The following PPP4R3B variants were observed in gnomAD, a reference collection of about 807,000 sequenced individuals.
PPP4R3B encodes serine/threonine-protein phosphatase 4 regulatory subunit 3B.
Under a neutral mutation model 95.4 loss-of-function variants are expected in PPP4R3B, and 52 were observed. That is an observed-to-expected ratio of 0.54 (90% CI 0.44 to 0.69). PPP4R3B has a LOEUF of 0.69. Ranked by LOEUF, PPP4R3B falls within the 30% of genes least tolerant of loss-of-function variation. The pLI, the probability that PPP4R3B is intolerant of heterozygous loss-of-function variation, is 0.00. For synonymous variants in PPP4R3B, 407 were observed against 343.9 expected (o/e 1.18, Z -2.03); for missense variants, 1,003 against 1,005.9 (o/e 1.00, Z 0.04).
chr2:55,588,894 A>G lies in PPP4R3B; in HGVS notation c.984T>C (p.Asp328=). 6.2e-7 allele frequency: 1 copy of G among 1,608,802 alleles called. No homozygotes were observed. Among genetic ancestry groups the G allele is most frequent in the Non-Finnish European group, 8.5e-7 (1 of 1,176,772 alleles). Residue 328 remains aspartate, a synonymous_variant, in exon 5 of 17, where the codon GAT becomes GAC. Transcript: ENST00000616407. ...AQLTDEATDD[D]KRRELVNFFK... The stretch of plus-strand genomic sequence containing the variant: ...CATAACTTACCAATTCACGCCGTTT[A>G]TCATCATCTGTAGCCTCATCTGTTA...
At chr2:55,616,049 T>A (rs1309587268) in intron 1 of PPP4R3B, among the ~76,000 whole-genome samples, 1 of 151,618 alleles carries the variant, frequency 6.6e-6, no homozygotes, top group African/African-American at 2.4e-5. Context: ...AAGGAAAAAT[T>A]AATCTAAAAC....
chr2:55,610,371 T>A lies in PPP4R3B; in HGVS notation c.198+5080A>T, dbSNP rs75661669. Among the ~76,000 whole-genome samples the A allele has an allele frequency of 1.2e-3, 180 of 152,296 alleles. 1 individual carries two copies. The highest frequency in any genetic ancestry group is 3.4e-3 in the Middle Eastern group (1 of 294). On this transcript the variant is annotated intron_variant, in intron 2 of 16. Coordinates refer to ENST00000616407, the MANE Select transcript of PPP4R3B (RefSeq NM_001122964.3). ...CTTTAGGCCCCTACTCAAGAACCTG[T>A]AATGTCCCCTTCTGAACCTGTGTAT...
chr2:55,617,061 C>T (rs1695056074), intron 1 of PPP4R3B, 83 bp downstream of exon 1: 5 of 1,470,856 alleles, frequency 3.4e-6, no homozygotes, highest in Non-Finnish European at 3.6e-6. Flanking sequence ...GGAGTAGCAA[C>T]GGTAACGGGC....
At chr2:55,595,390 G>A (rs1469942911) in intron 4 of PPP4R3B, among the ~76,000 whole-genome samples, 1 of 151,986 alleles carries the variant, frequency 6.6e-6, no homozygotes, top group East Asian at 1.9e-4. Context: ...AGCACTTTGG[G>A]AGGGTGAGGA....
At chr2:55,582,356 C>G (rs1388450750) in intron 7 of PPP4R3B, among the ~76,000 whole-genome samples, 2 of 152,106 alleles carry the variant, frequency 1.3e-5, no homozygotes, top group East Asian at 3.8e-4. Context: ...TCATTACAAA[C>G]CAGTCTCCTG....
chr2:55,611,612 C>A (rs923807741), intron 2 of PPP4R3B, among the ~76,000 whole-genome samples: 1 of 152,170 alleles, frequency 6.6e-6, no homozygotes, highest in Non-Finnish European at 1.5e-5. Flanking sequence ...TTTAGGCTCA[C>A]AATTTGGTAC....
intron 5 of PPP4R3B, 129 bp from the exon 6 acceptor site, chr2:55,586,863 C>G: frequency 3.9e-6 from 2 of 517,322 alleles, no homozygotes; most frequent in Non-Finnish European, 6.9e-6. Context: ...GCTGGCTCCT[C>G]AAAACTACAT....
chr2:55,585,195 G>C (rs1408258728), intron 6 of PPP4R3B, 28 bp from the exon 7 acceptor site: 2 of 1,499,476 alleles, frequency 1.3e-6, no homozygotes, highest in Admixed American at 2.0e-5. Context: ...AGGTTACTTA[G>C]AGACTGTTAA....
At position 55,604,044 on chromosome 2, in the gene PPP4R3B, G is replaced by C; in HGVS notation, c.231C>G (p.Asn77Lys). 6.2e-7 allele frequency: 1 copy of C among 1,609,310 alleles called. No homozygotes were observed. The highest frequency in any genetic ancestry group is 8.5e-7 in the Non-Finnish European group (1 of 1,178,092). Residue 77 changes from asparagine (N) to lysine (K), a missense_variant, in exon 3 of 17, where the codon AAC (asparagine) becomes AAG (lysine). This residue lies in a region of PPP4R3B where 695 missense variants were observed against 686.2 expected (regional missense o/e 1.01). Coordinates refer to ENST00000616407, the MANE Select transcript of PPP4R3B (RefSeq NM_001122964.3). ...DTLIVWSEAE[N>K]YDLALSFQEK... is the part of the protein sequence containing the mutation. ...CCTGAAAACTCAGAGCCAAATCATA[G>C]TTCTCTGCTTCTGACCAAACAATTA...
At chr2:55,588,758 T>C (rs570570684) in intron 5 of PPP4R3B, 121 bp downstream of exon 5, 6 of 570,002 alleles carry the variant, frequency 1.1e-5, no homozygotes, top group Middle Eastern at 2.8e-4. Flanking sequence ...TTTAAATACA[T>C]ACTTTTCATC....
intron 2 of PPP4R3B, among the ~76,000 whole-genome samples, chr2:55,612,670 C>A (rs1694330996): frequency 3.3e-5 from 5 of 151,992 alleles, no homozygotes; most frequent in Admixed American, 3.3e-4. Context: ...GTTGGCCGGG[C>A]TTGGTGGCTC....
At chr2:55,614,379 G>A (rs1333979687) in intron 2 of PPP4R3B, 1 of 152,108 alleles carries the variant, frequency 6.6e-6, no homozygotes, top group Non-Finnish European at 1.5e-5. Flanking sequence ...ATAACAACAA[G>A]TGTATGTCAT....
chr2:55,596,199 A>C (rs1244480534), intron 4 of PPP4R3B, among the ~76,000 whole-genome samples: 1 of 152,192 alleles, frequency 6.6e-6, no homozygotes, highest in Non-Finnish European at 1.5e-5. Flanking sequence ...TGCTGCAAGG[A>C]CTCATTTAAT....
Position 55,565,053 on chromosome 2 carries a change from C to T in PPP4R3B, c.1936-12G>A, listed in dbSNP as rs1351219072. The stretch of plus-strand genomic sequence containing the variant: ...GACTTGATATCTTCCTGTATAAGCA[C>T]AAAATTTACATTTAAAATATAATAC... On this transcript the variant is annotated splice_polypyrimidine_tract_variant and intron_variant, in intron 13 of 16. Coordinates refer to ENST00000616407, the MANE Select transcript of PPP4R3B (RefSeq NM_001122964.3). 2 of 1,539,416 alleles carry T rather than the reference C, an allele frequency of 1.3e-6. No individual in the cohort carries two copies. The highest frequency in any genetic ancestry group is 1.7e-6 in the Non-Finnish European group (2 of 1,144,560).
At chr2:55,554,453 G>A (rs1205268066) in intron 16 of PPP4R3B, among the ~76,000 whole-genome samples, 2 of 152,204 alleles carry the variant, frequency 1.3e-5, no homozygotes, top group African/African-American at 4.8e-5. Context: ...CTATCCTAGA[G>A]GATGTGAAAT....
At chr2:55,610,897 C>G (rs7562432) in intron 2 of PPP4R3B, among the ~76,000 whole-genome samples, 35 of 131,606 alleles carry the variant, frequency 2.7e-4, no homozygotes, top group African/African-American at 9.5e-4. Context: ...AGAGAGTCTT[C>G]CTCTATCGCC....
intron 16 of PPP4R3B, among the ~76,000 whole-genome samples, chr2:55,557,573 AAT>A (rs1351341852): frequency 6.6e-6 from 1 of 152,176 alleles, no homozygotes; most frequent in African/African-American, 2.4e-5. Context: ...AAAAACATAA[AAT>A]ATGTTTCAAA....
chr2:55,563,963 T>C (rs1030431764), intron 15 of PPP4R3B, among the ~76,000 whole-genome samples: 2 of 152,198 alleles, frequency 1.3e-5, no homozygotes, highest in Non-Finnish European at 2.9e-5. Flanking sequence ...ACAGGCAAAG[T>C]ACTCTAGAAG....
chr2:55,583,507 GT>G (rs1451872684), intron 7 of PPP4R3B, among the ~76,000 whole-genome samples: 1 of 152,124 alleles, frequency 6.6e-6, no homozygotes, highest in African/African-American at 2.4e-5. Context: ...AATTCTGAAA[GT>G]TAACAGTTTA....
Sources: allele counts gnomAD v4.1 joint callset (sites outside exome capture counted in the v4.1 genomes callset), GRCh38; gene constraint gnomAD v4.1.1; regional missense constraint gnomAD v4.1.1; transcripts MANE v1.5; gene names NCBI Gene and HGNC (gene_info 2026-07-23, HGNC 2026-07-21).